The following SLC25A21 variants were observed in gnomAD, a reference collection of about 807,000 sequenced individuals.
SLC25A21 encodes solute carrier family 25 member 21, also known as mitochondrial 2-oxodicarboxylate carrier.
A neutral mutation model predicts 43.8 loss-of-function variants in SLC25A21; 47 were observed. The ratio of observed to expected loss-of-function variants is 1.07; its 90% CI spans 0.85 to 1.37. The LOEUF (loss-of-function observed/expected upper bound fraction) is 1.37, where lower values mean the gene tolerates loss of function less well. Ranked by LOEUF, SLC25A21 falls within the 40% of genes most tolerant of loss-of-function variation. SLC25A21 has a pLI of 0.00. For missense variants in SLC25A21, 352 were observed against 350.2 expected (o/e 1.00, Z -0.04); for synonymous variants, 131 against 121.3 (o/e 1.08, Z -0.52).
intron 1 of SLC25A21, among the ~76,000 whole-genome samples, chr14:37,053,611 C>A (rs8015845): frequency 0.23 from 34,604 of 152,058 alleles, 4,555 homozygotes; most frequent in Non-Finnish European, 0.29. Flanking sequence ...CAATTTGTAG[C>A]CTTAAAATAC....
intron 1 of SLC25A21, among the ~76,000 whole-genome samples, chr14:37,129,427 T>C (rs1353864941): frequency 1.3e-5 from 2 of 152,146 alleles, no homozygotes; most frequent in Non-Finnish European, 2.9e-5. Context: ...ATGGAAAACA[T>C]GATGTTCCCC....
At chr14:36,800,149 T>C (rs943234513) in intron 3 of SLC25A21, among the ~76,000 whole-genome samples, 1 of 152,204 alleles carries the variant, frequency 6.6e-6, no homozygotes, top group Admixed American at 6.5e-5. Context: ...ATAATTCTCA[T>C]AGCTTTTTTA....
intron 1 of SLC25A21, among the ~76,000 whole-genome samples, chr14:37,088,954 T>C (rs1962533652): frequency 1.3e-5 from 2 of 152,178 alleles, no homozygotes; most frequent in South Asian, 2.1e-4. Flanking sequence ...CCTTCACAAT[T>C]TGTATAGAAG....
At chr14:36,975,362 T>A (rs1283804871) in intron 1 of SLC25A21, among the ~76,000 whole-genome samples, 1 of 152,140 alleles carries the variant, frequency 6.6e-6, no homozygotes, top group African/African-American at 2.4e-5. Context: ...TGTACCCCAA[T>A]AACTTATGGA....
chr14:37,129,568 T>C (rs1433272097), intron 1 of SLC25A21, among the ~76,000 whole-genome samples: 2 of 152,084 alleles, frequency 1.3e-5, no homozygotes, highest in African/African-American at 4.8e-5. Context: ...ATAAAAGGAT[T>C]GATCCTAGAT....
intron 1 of SLC25A21, among the ~76,000 whole-genome samples, chr14:36,895,411 T>A (rs1891209885): frequency 6.6e-6 from 1 of 152,176 alleles, no homozygotes; most frequent in Non-Finnish European, 1.5e-5. Flanking sequence ...TATTATTGCA[T>A]CTATTTGATT....
chr14:36,855,709 TC>T (rs1889876839), intron 2 of SLC25A21, among the ~76,000 whole-genome samples: 1 of 152,186 alleles, frequency 6.6e-6, no homozygotes, highest in Non-Finnish European at 1.5e-5. Context: ...ATCACAGGTC[TC>T]CCCATGTGTG....
At chr14:36,707,007 T>C (rs750982799) in intron 7 of SLC25A21, among the ~76,000 whole-genome samples, 1 of 152,200 alleles carries the variant, frequency 6.6e-6, no homozygotes, top group Non-Finnish European at 1.5e-5. Context: ...CAAGGGCCAG[T>C]ATGATCTGAT....
intron 1 of SLC25A21, among the ~76,000 whole-genome samples, chr14:37,032,113 CAT>C (rs145093146): frequency 0.056 from 8,513 of 152,160 alleles, 653 homozygotes; most frequent in East Asian, 0.27. Flanking sequence ...TAGCTATCTA[CAT>C]GTTATATTTG....
chr14:36,994,198 G>T (rs914359380), intron 1 of SLC25A21, among the ~76,000 whole-genome samples: 2 of 152,068 alleles, frequency 1.3e-5, no homozygotes, highest in African/African-American at 4.8e-5. Flanking sequence ...CAAACTACTT[G>T]TTACCTGCTT....
rs894977055 is a variant in SLC25A21, at chr14:36,725,738, TC to T, written c.331-62del. ...GTTATCATGTGTATGGGGTTAAACA[TC>T]CTATTCATTACACTATGCAGCTGAA... On this transcript the variant is annotated intron_variant, in intron 5 of 9. Coordinates refer to ENST00000331299, the MANE Select transcript of SLC25A21 (RefSeq NM_030631.4). The T allele has an allele frequency of 3.6e-5, 38 of 1,064,264 alleles. 1 individual carries two copies. The African/African-American group carries it at 5.0e-4, about 14-fold the overall frequency. The allele number at this position is 1,064,264 out of a possible 1,614,324, so 65.9% of individuals were successfully genotyped here.
At chr14:36,912,225 T>C (rs1207184706) in intron 1 of SLC25A21, among the ~76,000 whole-genome samples, 2 of 152,216 alleles carry the variant, frequency 1.3e-5, no homozygotes, top group South Asian at 2.1e-4. Flanking sequence ...ATTCAACAAA[T>C]AGTTAGCAGT....
rs1330237000 is a variant in SLC25A21, at chr14:36,764,178, AAGAAAGAAAGAAAG to A, written c.204-29619_204-29606del. 1.3e-3 allele frequency among the ~76,000 whole-genome samples: 98 copies of A among 78,266 alleles called. 2 individuals are homozygous for A. The highest frequency in any genetic ancestry group is 5.6e-3 in the East Asian group (5 of 894). 51.3% of individuals were successfully genotyped at this position (78,266 alleles called of 152,430 possible). On this transcript the variant is annotated intron_variant, in intron 3 of 9. Coordinates refer to ENST00000331299, the MANE Select transcript of SLC25A21 (RefSeq NM_030631.4). The stretch of plus-strand genomic sequence containing the variant: ...AAAGAAAGAAAGAAAGAAAGAAAGA[AAGAAAGAAAGAAAG>A]AGAAAGAAAGAAACTGTTAGCTTCC...
intron 1 of SLC25A21, among the ~76,000 whole-genome samples, chr14:36,982,449 T>C (rs1960049626): frequency 6.6e-6 from 1 of 152,144 alleles, no homozygotes; most frequent in South Asian, 2.1e-4. Context: ...AAGAACAAAA[T>C]TTTAAAAATA....
In SLC25A21 at chr14:37,172,552, T is replaced by A. The variant is rs534601737; in HGVS notation, c.-202A>T. The A allele has an allele frequency of 3.2e-4, 228 of 714,404 alleles. 1 individual carries two copies. In the African/African-American group the frequency reaches 3.3e-3, roughly 10 times the overall value. 44.3% of individuals were successfully genotyped at this position (714,404 alleles called of 1,614,324 possible). On this transcript the variant is annotated 5_prime_UTR_variant, in exon 1 of 10. Transcript: ENST00000331299. ...GCGATCTCCGGCGCGTCGGAACCTG[T>A]TCGCAGCGCTCTCGCAGAGGCGCCC... is the stretch of plus-strand genomic sequence containing the variant.
intron 1 of SLC25A21, among the ~76,000 whole-genome samples, chr14:37,165,900 C>A (rs1964021851): frequency 6.6e-6 from 1 of 152,126 alleles, no homozygotes; most frequent in Non-Finnish European, 1.5e-5. Context: ...CTCCTAGCTC[C>A]AAGTTAGAGT....
intron 1 of SLC25A21, among the ~76,000 whole-genome samples, chr14:37,131,821 A>T (rs1431168747): frequency 6.6e-6 from 1 of 152,056 alleles, no homozygotes; most frequent in Non-Finnish European, 1.5e-5. Context: ...CCACTGGTGC[A>T]TGCCACCACA....
chr14:36,784,206 C>T (rs1435772638), intron 3 of SLC25A21, among the ~76,000 whole-genome samples: 1 of 152,274 alleles, frequency 6.6e-6, no homozygotes, highest in Non-Finnish European at 1.5e-5. Flanking sequence ...AGGCATTTTC[C>T]AGCACATAAT....
intron 1 of SLC25A21, among the ~76,000 whole-genome samples, chr14:36,975,089 T>C (rs1959839247): frequency 6.6e-6 from 1 of 152,154 alleles, no homozygotes; most frequent in African/African-American, 2.4e-5. Flanking sequence ...ATTTCACAGA[T>C]AAAGGAAATT....
Sources: allele counts gnomAD v4.1 joint callset (sites outside exome capture counted in the v4.1 genomes callset), GRCh38; gene constraint gnomAD v4.1.1; transcripts MANE v1.5; gene names NCBI Gene and HGNC (gene_info 2026-07-23, HGNC 2026-07-21).